Variants in PSMD14 observed in about 807,000 individuals in gnomAD.
PSMD14 encodes the protein proteasome 26S subunit, non-ATPase 14.
PSMD14 carries 7 observed loss-of-function variants against 41.2 expected under a neutral mutation model. The ratio of observed to expected loss-of-function variants is 0.17; its 90% CI spans 0.10 to 0.32. The LOEUF (loss-of-function observed/expected upper bound fraction) is 0.32, where lower values mean the gene tolerates loss of function less well. Ranked by LOEUF, PSMD14 falls within the 10% of genes least tolerant of loss-of-function variation. The pLI is 1.00. For missense variants in PSMD14, 139 were observed against 375.6 expected (o/e 0.37, Z 5.21); for synonymous variants, 114 against 122.3 (o/e 0.93, Z 0.45).
In PSMD14 at chr2:161,396,307, G is replaced by A. The variant is rs564637319; in HGVS notation, c.771+1104G>A. 5.6e-4 allele frequency among the ~76,000 whole-genome samples: 85 copies of A among 152,276 alleles called. 1 individual carries two copies. Among genetic ancestry groups the A allele is most frequent in the African/African-American group, 2.0e-3 (83 of 41,548 alleles). On this transcript the variant is annotated intron_variant, in intron 10 of 11. Coordinates refer to ENST00000409682, the MANE Select transcript of PSMD14 (RefSeq NM_005805.6). ...CATCCAAAGGAAATGAAATCAGTAC[G>A]TTGAAGAGATGTATGCACTCCCATG...
chr2:161,316,085 C>T (rs1486334251), intron 1 of PSMD14, among the ~76,000 whole-genome samples: 1 of 152,148 alleles, frequency 6.6e-6, no homozygotes, highest in African/African-American at 2.4e-5. Flanking sequence ...CTCAGGTGAT[C>T]CGCCCGCGTT....
intron 5 of PSMD14, among the ~76,000 whole-genome samples, chr2:161,369,333 T>C (rs1159012489): frequency 6.6e-6 from 1 of 152,098 alleles, no homozygotes; most frequent in African/African-American, 2.4e-5. Flanking sequence ...TAAAGACATA[T>C]GTCTCTGTTG....
chr2:161,376,106 CATAT>C (rs747297170), intron 7 of PSMD14, among the ~76,000 whole-genome samples: 1 of 146,422 alleles, frequency 6.8e-6, no homozygotes, highest in Non-Finnish European at 1.5e-5. Context: ...TATATATATA[CATAT>C]ATATATATAT....
At chr2:161,371,123 A>G (rs1683427327) in intron 6 of PSMD14, 49 bp from the exon 7 acceptor site, 1 of 1,565,972 alleles carries the variant, frequency 6.4e-7, no homozygotes, top group Admixed American at 1.7e-5. Flanking sequence ...CATATCATAA[A>G]TGTATTACTT....
intron 3 of PSMD14, among the ~76,000 whole-genome samples, chr2:161,337,781 T>C (rs772649309): frequency 6.6e-5 from 10 of 152,324 alleles, no homozygotes; most frequent in Middle Eastern, 3.4e-3. Flanking sequence ...GGAAGGGGAT[T>C]AGACTATGGA....
At chr2:161,407,785 G>C (rs974659200) in intron 10 of PSMD14, 3 of 151,890 alleles carry the variant, frequency 2.0e-5, no homozygotes, top group African/African-American at 7.2e-5. Flanking sequence ...AACTCTTTTT[G>C]TGGTAAATGC....
intron 10 of PSMD14, among the ~76,000 whole-genome samples, chr2:161,398,787 ATACAAT>A (rs1559055016): frequency 6.6e-6 from 1 of 152,110 alleles, no homozygotes; most frequent in Non-Finnish European, 1.5e-5. Context: ...ATATGTAAAT[ATACAAT>A]TACAATTGGT....
intron 3 of PSMD14, among the ~76,000 whole-genome samples, chr2:161,331,750 T>A (rs1040639489): frequency 6.6e-6 from 1 of 152,106 alleles, no homozygotes; most frequent in African/African-American, 2.4e-5. Context: ...TGTATTAAAA[T>A]TTTCCTCTGG....
intron 3 of PSMD14, among the ~76,000 whole-genome samples, chr2:161,338,773 C>T (rs146389174): frequency 3.3e-5 from 5 of 152,272 alleles, no homozygotes; most frequent in African/African-American, 1.2e-4. Flanking sequence ...CCATCATTCT[C>T]AGAATTTACA....
chr2:161,371,587 A>C (rs963043096), intron 7 of PSMD14, among the ~76,000 whole-genome samples: 2 of 152,166 alleles, frequency 1.3e-5, no homozygotes, highest in Non-Finnish European at 1.5e-5. Flanking sequence ...TAAAATTAGG[A>C]AAGTTAAACC....
intron 1 of PSMD14, among the ~76,000 whole-genome samples, chr2:161,309,324 C>T (rs1042598198): frequency 6.6e-6 from 1 of 152,056 alleles, no homozygotes; most frequent in Admixed American, 6.5e-5. Context: ...GTCTATAAAC[C>T]TAGTGACTGA....
At chr2:161,396,604 A>C (rs1050390175) in intron 10 of PSMD14, among the ~76,000 whole-genome samples, 7 of 152,134 alleles carry the variant, frequency 4.6e-5, no homozygotes, top group Non-Finnish European at 7.3e-5. Flanking sequence ...TAGAGAGTAG[A>C]ATTGTGGTTA....
intron 3 of PSMD14, chr2:161,341,148 C>T: frequency 8.6e-7 from 1 of 1,162,756 alleles, no homozygotes; most frequent in South Asian, 2.5e-5. Context: ...CTCGGGGGCG[C>T]AGGGGCGGGA....
intron 7 of PSMD14, among the ~76,000 whole-genome samples, chr2:161,377,005 C>T (rs960714485): frequency 4.1e-4 from 61 of 148,962 alleles, no homozygotes; most frequent in African/African-American, 1.4e-3. Flanking sequence ...ATGACTGGAA[C>T]GTGTGATTGA....
intron 1 of PSMD14, among the ~76,000 whole-genome samples, chr2:161,311,678 C>T (rs1263027205): frequency 8.0e-6 from 1 of 125,474 alleles, no homozygotes; most frequent in Non-Finnish European, 1.6e-5. Flanking sequence ...GTTGCCCAGG[C>T]TGGAGTGCAG....
Position 161,390,031 on chromosome 2 carries a change from T to G in PSMD14, c.571-1073T>G, listed in dbSNP as rs574469617. Among the ~76,000 whole-genome samples the G allele has an allele frequency of 5.5e-4, 83 of 151,090 alleles. 1 individual carries two copies. The highest frequency in any genetic ancestry group is 2.0e-3 in the African/African-American group (81 of 41,270). ...AGGCTTGAGCCACTGAGCCCGACCC[T>G]GCATTTTATTTTCATCTGTCAAAAT... On this transcript the variant is annotated intron_variant, in intron 8 of 11. Coordinates refer to ENST00000409682, the MANE Select transcript of PSMD14 (RefSeq NM_005805.6).
intron 3 of PSMD14, among the ~76,000 whole-genome samples, chr2:161,321,283 AGGCCTCATAT>A (rs1682583210): frequency 6.6e-6 from 1 of 152,194 alleles, no homozygotes; most frequent in Non-Finnish European, 1.5e-5. Flanking sequence ...GAACAGGTAA[AGGCCTCATAT>A]GATTGAGAGT....
intron 8 of PSMD14, among the ~76,000 whole-genome samples, chr2:161,390,264 ACCCCAAAGT>A (rs1275936880): frequency 6.6e-6 from 1 of 151,936 alleles, no homozygotes; most frequent in East Asian, 1.9e-4. Flanking sequence ...CTGAGGGTTA[ACCCCAAAGT>A]CCTTTTTGTT....
chr2:161,390,876 G>GTGC (rs1470142429), intron 8 of PSMD14, among the ~76,000 whole-genome samples: 1 of 152,040 alleles, frequency 6.6e-6, no homozygotes, highest in African/African-American at 2.4e-5. Context: ...TGCTTAATTT[G>GTGC]TGCTCCTCCA....
Sources: gnomAD v4.1 joint callset for allele counts (sites outside exome capture counted in the v4.1 genomes callset) on GRCh38, gnomAD v4.1.1 for gene constraint, MANE v1.5 for transcripts, NCBI Gene and HGNC (gene_info 2026-07-23, HGNC 2026-07-21) for gene names.